Variants in LAMB1 observed in about 807,000 individuals in gnomAD.
LAMB1 encodes the protein laminin subunit beta 1.
LAMB1 carries 121 observed loss-of-function variants against 222.3 expected under a neutral mutation model. That is an observed-to-expected ratio of 0.54 (90% CI 0.47 to 0.63). LAMB1 has a LOEUF of 0.63. Among genes scored for constraint, LAMB1 ranks in the 30% least tolerant of loss-of-function variants. The probability of loss-of-function intolerance (pLI) is 0.00; values close to 1 mark genes in which losing one functional copy is unlikely to be tolerated. For synonymous variants in LAMB1, 794 were observed against 807.2 expected (o/e 0.98, Z 0.28); for missense variants, 2,172 against 2,240.8 (o/e 0.97, Z 0.62).
intron 27 of LAMB1, among the ~76,000 whole-genome samples, chr7:107,932,924 A>G (rs1421005345): frequency 6.6e-6 from 1 of 152,250 alleles, no homozygotes; most frequent in East Asian, 1.9e-4. Flanking sequence ...AAGTAGACAA[A>G]GGAGAGACTG....
rs556108620 is a variant in LAMB1 at position 107,955,602 on chromosome 7, T to C, written c.2719A>G (p.Ile907Val). Reference sequence around the variant, plus strand: ...CGGCAGTGATCTCCTGACCCAATGATGGGGTCGCCATAGTAACCAGCCAAG... The same window carrying C: ...CGGCAGTGATCTCCTGACCCAATGACGGGGTCGCCATAGTAACCAGCCAAG... ...RCLAGYYGDP[I>V]IGSGDHCRPC... Residue 907 changes from isoleucine (I) to valine (V), a missense_variant, in exon 21 of 34, where the codon ATC becomes GTC. Coordinates refer to ENST00000222399, the MANE Select transcript of LAMB1 (RefSeq NM_002291.3). The C allele has an allele frequency of 1.2e-6, 2 of 1,613,774 alleles. No homozygotes were observed. Among genetic ancestry groups the C allele is most frequent in the East Asian group, 2.2e-5 (1 of 44,866 alleles).
At chr7:107,947,449 T>C (rs1438488864) in intron 24 of LAMB1, among the ~76,000 whole-genome samples, 2 of 152,230 alleles carry the variant, frequency 1.3e-5, no homozygotes, top group African/African-American at 4.8e-5. Flanking sequence ...GAATGACACC[T>C]CTTCTTGTCC....
At chr7:107,926,039 A>AG (rs1269090233) in intron 32 of LAMB1, 144 bp downstream of exon 32, 1 of 616,262 alleles carries the variant, frequency 1.6e-6, no homozygotes, top group Non-Finnish European at 2.9e-6. Flanking sequence ...ACACTTCTAA[A>AG]GACGGCTGTT....
At chr7:108,001,449 C>T in intron 3 of LAMB1, 109 bp downstream of exon 3, 2 of 1,262,988 alleles carry the variant, frequency 1.6e-6, no homozygotes, top group Non-Finnish European at 1.1e-6. Context: ...CGGCTGGCTG[C>T]GCTTCCTATC....
At chr7:107,959,578 G>T (rs1011182429) in intron 19 of LAMB1, 98 bp from the exon 20 acceptor site, 34 of 1,609,810 alleles carry the variant, frequency 2.1e-5, no homozygotes, top group Non-Finnish European at 1.5e-5. Context: ...GAATGCTCAT[G>T]GGTTGGTGTG....
intron 29 of LAMB1, 117 bp downstream of exon 29, chr7:107,931,238 CG>C (rs2032702960): frequency 7.3e-6 from 6 of 822,366 alleles, no homozygotes; most frequent in Middle Eastern, 3.5e-4. Context: ...AATATACGGA[CG>C]TTTTTCTTAT....
At chr7:107,932,600 TA>T in intron 27 of LAMB1, 1 of 586,210 alleles carries the variant, frequency 1.7e-6, no homozygotes. Context: ...AACTCATCAA[TA>T]TCTTCTGCCC....
chr7:108,000,554 A>T (rs954827486), intron 3 of LAMB1, among the ~76,000 whole-genome samples: 3 of 152,174 alleles, frequency 2.0e-5, no homozygotes, highest in Non-Finnish European at 4.4e-5. Context: ...TATTTAAAAA[A>T]ATTTTTTGAG....
intron 21 of LAMB1, 118 bp from the exon 22 acceptor site, chr7:107,953,872 T>A: frequency 1.3e-6 from 1 of 799,070 alleles, no homozygotes; most frequent in Non-Finnish European, 2.1e-6. Context: ...TTCACTGCAC[T>A]GTTTAAAGAG....
chr7:107,928,514 T>G (rs1318869566), intron 31 of LAMB1, among the ~76,000 whole-genome samples: 1 of 151,166 alleles, frequency 6.6e-6, no homozygotes, highest in African/African-American at 2.5e-5. Context: ...TTTTTTTTTT[T>G]GAGATGGAGT....
At chr7:107,933,876 G>A (rs781653293) in intron 27 of LAMB1, among the ~76,000 whole-genome samples, 9 of 152,054 alleles carry the variant, frequency 5.9e-5, no homozygotes, top group South Asian at 2.1e-4. Flanking sequence ...CCCACCCACC[G>A]CCCATGCATC....
chr7:107,945,157 T>C (rs180801711), intron 24 of LAMB1, among the ~76,000 whole-genome samples: 14 of 152,382 alleles, frequency 9.2e-5, no homozygotes, highest in Non-Finnish European at 1.6e-4. Context: ...ACACTCTCTG[T>C]TCTGTGGCCA....
intron 4 of LAMB1, among the ~76,000 whole-genome samples, chr7:107,997,428 TAAACAAACAAAC>T (rs139032514): frequency 0.016 from 2,420 of 152,060 alleles, 30 homozygotes; most frequent in Middle Eastern, 0.031. Context: ...GCCTCAAAAA[TAAACAAACAAAC>T]AAACAAACAG....
rs772449977 is a variant in LAMB1 at position 107,952,189 on chromosome 7, C to G, written c.3114G>C (p.Glu1038Asp). ...CVCNYLGTVQEHCNGSDCQCD... is the reference protein window; with the variant it reads ...CVCNYLGTVQDHCNGSDCQCD... ...ACTGGCAGTCAGAGCCGTTACAGTG[C>G]TCTTGCACGGTGCCCAGGTAATTAC... The change falls in exon 23 of 34, where the codon GAG (glutamate) becomes GAC (aspartate). Residue 1038 changes from glutamate (E) to aspartate (D), a missense_variant. Glu to Asp is a conservative substitution (Grantham distance 45, BLOSUM62 2). Coordinates refer to ENST00000222399, the MANE Select transcript of LAMB1 (RefSeq NM_002291.3). 3.7e-6 allele frequency: 6 copies of G among 1,611,084 alleles called. No individual in the cohort carries two copies. In the Admixed American group the frequency reaches 5.0e-5, roughly 13 times the overall value.
rs1288593232 is a variant in LAMB1, at chr7:107,932,393, G to C, written c.4189-16C>G. 1 of 1,613,400 alleles carries C rather than the reference G, an allele frequency of 6.2e-7. No homozygotes were observed. Among genetic ancestry groups the C allele is most frequent in the Non-Finnish European group, 8.5e-7 (1 of 1,179,314 alleles). On this transcript the variant is annotated splice_polypyrimidine_tract_variant and intron_variant, in intron 27 of 33. Transcript: ENST00000222399. ...TTCCACAGGTCTGCAACAAGCCAAG[G>C]ATCAGGCACAATACTTCGGATAGTG...
At chr7:107,924,668 T>C (rs2032517757) in intron 32 of LAMB1, among the ~76,000 whole-genome samples, 1 of 152,216 alleles carries the variant, frequency 6.6e-6, no homozygotes, top group African/African-American at 2.4e-5. Context: ...TGTAGCATAA[T>C]TGTATTGCAA....
In LAMB1 at chr7:107,929,446, C is replaced by T; in HGVS notation, c.4711G>A (p.Ala1571Thr). 6.2e-7 allele frequency: 1 copy of T among 1,614,142 alleles called. No homozygotes were observed. The highest frequency in any genetic ancestry group is 8.5e-7 in the Non-Finnish European group (1 of 1,180,018). ...LQHSAADIAR[A>T]EMLLEEAKRA... ...TTAGCTTCTTCTAACAACATCTCAG[C>T]TCTGGCAATGTCAGCAGCACTATGC... Residue 1571 changes from alanine to threonine, a missense_variant, in exon 30 of 34, where the codon GCT becomes ACT. Coordinates refer to ENST00000222399, the MANE Select transcript of LAMB1 (RefSeq NM_002291.3).
At chr7:107,941,504 A>T (rs1201876002) in intron 24 of LAMB1, among the ~76,000 whole-genome samples, 1 of 152,178 alleles carries the variant, frequency 6.6e-6, no homozygotes, top group Non-Finnish European at 1.5e-5. Context: ...GTTAACTTGC[A>T]ATCAGAATCC....
chr7:107,974,050 T>A (rs561141592), intron 12 of LAMB1, among the ~76,000 whole-genome samples: 3 of 152,284 alleles, frequency 2.0e-5, no homozygotes, highest in African/African-American at 7.2e-5. Context: ...GCACTGAGAT[T>A]ACAAGTATGA....
Sources: gnomAD v4.1 joint callset for allele counts (sites outside exome capture counted in the v4.1 genomes callset) on GRCh38, gnomAD v4.1.1 for gene constraint, MANE v1.5 for transcripts, NCBI Gene and HGNC (gene_info 2026-07-23, HGNC 2026-07-21) for gene names.